Variants in SMG6 observed in about 807,000 individuals in gnomAD.
The protein encoded by SMG6 is SMG6 nonsense mediated mRNA decay factor.
A neutral mutation model predicts 142.2 loss-of-function variants in SMG6; 66 were observed. The observed-to-expected ratio is 0.46, with a 90% CI of 0.38 to 0.57. The LOEUF (loss-of-function observed/expected upper bound fraction) is 0.57, where lower values mean the gene tolerates loss of function less well. Ranked by LOEUF, SMG6 falls within the 20% of genes least tolerant of loss-of-function variation. SMG6 has a pLI of 0.00. For missense variants in SMG6, 1,793 were observed against 1,832.0 expected (o/e 0.98, Z 0.39); for synonymous variants, 779 against 702.4 (o/e 1.11, Z -1.72).
chr17:2,088,011 C>T (rs947096126), intron 13 of SMG6: 1 of 985,752 alleles, frequency 1.0e-6, no homozygotes, highest in Non-Finnish European at 1.2e-6. Flanking sequence ...AGGCTGCTGC[C>T]ACTGAATGGA....
chr17:2,132,303 A>T (rs528017383), intron 13 of SMG6, among the ~76,000 whole-genome samples: 16 of 152,326 alleles, frequency 1.1e-4, no homozygotes, highest in African/African-American at 3.6e-4. Flanking sequence ...AATGTCTGGT[A>T]AATAGTAAGT....
chr17:2,151,145 C>CT (rs1336936332), intron 13 of SMG6, among the ~76,000 whole-genome samples: 1 of 152,202 alleles, frequency 6.6e-6, no homozygotes, highest in Admixed American at 6.5e-5. Flanking sequence ...ACTACAGGGT[C>CT]TTTTTTCACT....
At chr17:2,219,339 C>T (rs1253629785) in intron 10 of SMG6, among the ~76,000 whole-genome samples, 1 of 152,118 alleles carries the variant, frequency 6.6e-6, no homozygotes. Context: ...GAGCCGAGAT[C>T]GCGCCAACAC....
intron 17 of SMG6, 50 bp from the exon 18 acceptor site, chr17:2,065,204 T>C (rs2067904887): frequency 6.8e-7 from 1 of 1,474,070 alleles, no homozygotes; most frequent in Non-Finnish European, 9.4e-7. Flanking sequence ...GGGGGCGCCA[T>C]GTGGAGGAGG....
Position 2,303,673 on chromosome 17 carries a change from G to A in SMG6, c.48C>T (p.Arg16=). The A allele has an allele frequency of 6.7e-7, 1 of 1,495,506 alleles. No individual in the cohort carries two copies. The highest frequency in any genetic ancestry group is 2.9e-5 in the East Asian group (1 of 34,788). The allele number at this position is 1,495,506 out of a possible 1,614,324, so 92.6% of individuals were successfully genotyped here. The change falls in exon 1 of 19, where the codon CGC becomes CGT. Residue 16 remains arginine, a synonymous_variant. Transcript: ENST00000263073. The stretch of plus-strand genomic sequence containing the variant: ...GCGGGGCCAGAGTAGCCAGGATCCC[G>A]CGCAGCTCCGACGCGGAGATCCGCA... ...ERVRISASEL[R]GILATLAPQA... is the part of the protein sequence containing the mutation.
intron 6 of SMG6, among the ~76,000 whole-genome samples, chr17:2,291,239 G>A (rs1208483468): frequency 2.0e-5 from 3 of 152,082 alleles, no homozygotes; most frequent in Non-Finnish European, 2.9e-5. Context: ...GCTGAGGCAG[G>A]AGAATGGCGT....
chr17:2,186,272 A>G (rs1440228155), intron 12 of SMG6, among the ~76,000 whole-genome samples: 3 of 151,010 alleles, frequency 2.0e-5, no homozygotes, highest in African/African-American at 7.3e-5. Context: ...AAAAAAAAAA[A>G]GCAAGATGCA....
At chr17:2,098,550 A>G (rs1475359216) in intron 13 of SMG6, among the ~76,000 whole-genome samples, 2 of 151,954 alleles carry the variant, frequency 1.3e-5, no homozygotes, top group Non-Finnish European at 2.9e-5. Context: ...ACTTCTCCCC[A>G]TTGCAACCTA....
intron 15 of SMG6, among the ~76,000 whole-genome samples, chr17:2,078,512 C>T (rs909439142): frequency 2.6e-5 from 4 of 151,070 alleles, no homozygotes; most frequent in Admixed American, 2.6e-4. Context: ...GCTGGGATTA[C>T]AGGCACCCGC....
intron 13 of SMG6, among the ~76,000 whole-genome samples, chr17:2,153,558 C>T (rs1043915323): frequency 6.6e-6 from 1 of 152,184 alleles, no homozygotes; most frequent in African/African-American, 2.4e-5. Context: ...ACTGGTGGAA[C>T]GCCACTCCAC....
chr17:2,149,844 T>C (rs190666731), intron 13 of SMG6, among the ~76,000 whole-genome samples: 6 of 152,292 alleles, frequency 3.9e-5, no homozygotes, highest in Non-Finnish European at 7.4e-5. Flanking sequence ...AATTCCAACA[T>C]TTCAGTTCTA....
intron 3 of SMG6, 140 bp from the exon 4 acceptor site, chr17:2,297,493 T>G: frequency 1.5e-6 from 1 of 645,218 alleles, no homozygotes; most frequent in Non-Finnish European, 2.6e-6. Context: ...CAATATTCAC[T>G]GGCCACCAAT....
chr17:2,298,019 T>C lies in SMG6; in HGVS notation c.1884A>G (p.Leu628=), dbSNP rs781666231. ...GATTATCAGAGAACTCAATATCTAA[T>C]AGAATACAGCGCTCATATAGCTGCA... ...ELLQLYERCI[L]LDIEFSDNQN... The change falls in exon 3 of 19, where the codon CTA becomes CTG. Residue 628 remains leucine, a synonymous_variant. Coordinates refer to ENST00000263073, the MANE Select transcript of SMG6 (RefSeq NM_017575.5). 4 of 1,612,586 alleles carry C rather than the reference T, an allele frequency of 2.5e-6. No individual in the cohort carries two copies. The highest frequency in any genetic ancestry group is 1.3e-5 in the African/African-American group (1 of 75,010).
chr17:2,067,693 G>A (rs2067990161), intron 16 of SMG6, among the ~76,000 whole-genome samples: 1 of 152,174 alleles, frequency 6.6e-6, no homozygotes, highest in Non-Finnish European at 1.5e-5. Flanking sequence ...GGAGGGTGGA[G>A]GCAGGGAGGA....
chr17:2,090,889 A>G (rs1419353918), intron 13 of SMG6, among the ~76,000 whole-genome samples: 1 of 152,238 alleles, frequency 6.6e-6, no homozygotes, highest in African/African-American at 2.4e-5. Context: ...TGCAGACAGG[A>G]ACATGAAGTC....
chr17:2,118,905 T>C (rs2069591859), intron 13 of SMG6, among the ~76,000 whole-genome samples: 1 of 151,778 alleles, frequency 6.6e-6, no homozygotes, highest in African/African-American at 2.4e-5. Flanking sequence ...AGCTTTTTTT[T>C]TTTTTTTTTG....
At chr17:2,239,212 T>A (rs1438698869) in intron 9 of SMG6, among the ~76,000 whole-genome samples, 1 of 152,240 alleles carries the variant, frequency 6.6e-6, no homozygotes, top group Non-Finnish European at 1.5e-5. Context: ...CGCCCTGATG[T>A]CTACTACTAT....
chr17:2,242,458 A>G (rs2073829211), intron 9 of SMG6, among the ~76,000 whole-genome samples: 1 of 149,104 alleles, frequency 6.7e-6, no homozygotes, highest in African/African-American at 2.5e-5. Flanking sequence ...TGAACCCGGG[A>G]GGCGGAGCTT....
intron 4 of SMG6, among the ~76,000 whole-genome samples, chr17:2,293,469 TTC>T (rs1037930343): frequency 2.0e-5 from 2 of 100,294 alleles, no homozygotes; most frequent in African/African-American, 2.8e-5. Context: ...ATTCTTTTTT[TTC>T]CCCCCTAATA....
Sources: gnomAD v4.1 joint callset for allele counts (sites outside exome capture counted in the v4.1 genomes callset) on GRCh38, gnomAD v4.1.1 for gene constraint, MANE v1.5 for transcripts, NCBI Gene and HGNC (gene_info 2026-07-23, HGNC 2026-07-21) for gene names.